The following YY1AP1 variants were observed in gnomAD, a reference collection of about 807,000 sequenced individuals.
YY1AP1 encodes the protein YY1 associated protein 1.
YY1AP1 carries 43 observed loss-of-function variants against 39.9 expected under a neutral mutation model. That is an observed-to-expected ratio of 1.08 (90% CI 0.84 to 1.39). The LOEUF is 1.39. YY1AP1 is among the 40% of genes most tolerant of loss of function. YY1AP1 has a pLI of 0.00. For synonymous variants in YY1AP1, 292 were observed against 331.3 expected (o/e 0.88, Z 1.29); for missense variants, 813 against 900.7 (o/e 0.90, Z 1.25).
At chr1:155,673,058 G>A (rs1286621841) in intron 6 of YY1AP1, among the ~76,000 whole-genome samples, 3 of 151,970 alleles carry the variant, frequency 2.0e-5, no homozygotes, top group Admixed American at 6.6e-5. Flanking sequence ...TCACTCTGCC[G>A]CTCAGGCTGG....
At chr1:155,669,049 T>C (rs1368162978) in intron 8 of YY1AP1, among the ~76,000 whole-genome samples, 1 of 152,010 alleles carries the variant, frequency 6.6e-6, no homozygotes, top group Non-Finnish European at 1.5e-5. Context: ...TTTTCATTTT[T>C]TTCAGACAGG....
At chr1:155,686,196 C>T (rs1255213128) in intron 2 of YY1AP1, among the ~76,000 whole-genome samples, 1 of 151,550 alleles carries the variant, frequency 6.6e-6, no homozygotes. Flanking sequence ...CCACCACGCC[C>T]GGCTAATTTT....
Position 155,671,363 on chromosome 1 carries a change from G to A in YY1AP1, c.584-899C>T, listed in dbSNP as rs144557672. Among the ~76,000 whole-genome samples, 897 of 151,514 alleles carry A rather than the reference G, an allele frequency of 5.9e-3. 7 individuals are homozygous for A. The highest frequency in any genetic ancestry group is 0.02 in the African/African-American group (839 of 41,310). On this transcript the variant is annotated intron_variant, in intron 7 of 10. Transcript: ENST00000355499. The stretch of plus-strand genomic sequence containing the variant: ...GGAGAATTGTTTGAACCTGGGAGGC[G>A]GAGGTTGCAGTGAGCCGAGATCACC...
chr1:155,683,808 C>G (rs180689315), intron 2 of YY1AP1, among the ~76,000 whole-genome samples: 193 of 152,276 alleles, frequency 1.3e-3, no homozygotes, highest in African/African-American at 4.2e-3. Flanking sequence ...GAAGGCTATT[C>G]CAGTTCATTT....
rs953671153 is a variant in YY1AP1, at chr1:155,667,480, AGAGT to A, written c.879+1143_879+1146del. Reference sequence around the variant, plus strand: ...GCCCATGCACTCCAGCCAGGATGACAGAGTGAGAACCTGTCTCTAAAAAAAAAAA... The same window carrying A: ...GCCCATGCACTCCAGCCAGGATGACAGAGAACCTGTCTCTAAAAAAAAAAA... On this transcript the variant is annotated intron_variant, in intron 9 of 10. Transcript: ENST00000355499. 5.0e-4 allele frequency among the ~76,000 whole-genome samples: 76 copies of A among 152,102 alleles called. 1 individual carries two copies. The highest frequency in any genetic ancestry group is 1.8e-3 in the African/African-American group (75 of 41,514).
chr1:155,688,182 G>A lies in YY1AP1; in HGVS notation c.-132C>T, dbSNP rs1160741809. The A allele has an allele frequency of 8.7e-6, 14 of 1,613,930 alleles. No homozygotes were observed. The highest frequency in any genetic ancestry group is 1.7e-5 in the Admixed American group (1 of 60,014). ...GCGGATCCCTCCCGCTTGTCAGGAG[G>A]CGGCCAGCGGGTAAGCCGACTGGCG... On this transcript the variant is annotated 5_prime_UTR_variant, in exon 2 of 11. Transcript: ENST00000355499.
chr1:155,663,544 C>A (rs998283662), intron 9 of YY1AP1, among the ~76,000 whole-genome samples: 1 of 151,744 alleles, frequency 6.6e-6, no homozygotes, highest in African/African-American at 2.4e-5. Context: ...CAAGGTGAAA[C>A]CCCGTCTCTA....
intron 2 of YY1AP1, 128 bp downstream of exon 2, chr1:155,687,943 C>A: frequency 2.5e-5 from 28 of 1,100,220 alleles, no homozygotes; most frequent in Non-Finnish European, 3.5e-5. Context: ...GCTCTCCCCT[C>A]CCCCATCTTC....
At chr1:155,678,240 C>T (rs1367722619) in intron 4 of YY1AP1, among the ~76,000 whole-genome samples, 1 of 152,114 alleles carries the variant, frequency 6.6e-6, no homozygotes, top group Non-Finnish European at 1.5e-5. Flanking sequence ...TAGGCTAAAC[C>T]ATTTAGGTTT....
At chr1:155,681,661 A>G (rs1192581012) in intron 2 of YY1AP1, among the ~76,000 whole-genome samples, 1 of 152,158 alleles carries the variant, frequency 6.6e-6, no homozygotes. Flanking sequence ...GACCCGACCT[A>G]TTCAAAAACT....
intron 9 of YY1AP1, 47 bp downstream of exon 9, chr1:155,668,580 A>G (rs1280739399): frequency 6.8e-6 from 11 of 1,613,764 alleles, no homozygotes; most frequent in South Asian, 5.5e-5. Flanking sequence ...AAAAGAACAG[A>G]TATGTGTTGG....
chr1:155,679,795 A>G, intron 3 of YY1AP1: 1 of 1,273,842 alleles, frequency 7.9e-7, no homozygotes, highest in Non-Finnish European at 1.0e-6. Context: ...ATCTTTTTAG[A>G]CAAATTTATG....
At chr1:155,679,025 A>G in intron 4 of YY1AP1, 1 of 875,496 alleles carries the variant, frequency 1.1e-6, no homozygotes, top group South Asian at 1.9e-5. Context: ...GGTGACTAAC[A>G]AATTTTCAGT....
intron 7 of YY1AP1, chr1:155,670,670 G>C (rs1382147260): frequency 1.6e-5 from 7 of 436,968 alleles, no homozygotes; most frequent in Non-Finnish European, 2.8e-5. Context: ...GGCAATAAAA[G>C]TTGACTTTTT....
In YY1AP1 at chr1:155,672,728, C is replaced by A; in HGVS notation, c.415G>T (p.Glu139Ter). The change falls in exon 7 of 11, where the codon GAG becomes TAG. Residue 139 changes from glutamate to a stop codon, truncating the protein, a stop_gained. Coordinates refer to ENST00000355499, the MANE Select transcript of YY1AP1 (RefSeq NM_139119.3). LOFTEE classifies it high-confidence loss of function. The stretch of plus-strand genomic sequence containing the variant: ...GAGCTTTGAGCAAAGGTTCCCAGCT[C>A]TTTCTGGGAAAACACGACACAAGGA... ...EASSTRICLKELGTFAQSSIA... is the reference protein window; with the variant it reads ...EASSTRICLK The A allele has an allele frequency of 6.2e-7, 1 of 1,614,164 alleles. No homozygotes were observed. The highest frequency in any genetic ancestry group is 8.5e-7 in the Non-Finnish European group (1 of 1,180,038).
At chr1:155,682,117 ATTTT>A (rs956201730) in intron 2 of YY1AP1, among the ~76,000 whole-genome samples, 1 of 151,768 alleles carries the variant, frequency 6.6e-6, no homozygotes, top group Non-Finnish European at 1.5e-5. Context: ...AGGCAGCTTG[ATTTT>A]TTTTTATTTC....
rs1259423828 is a variant in YY1AP1 at position 155,659,961 on chromosome 1, T to C, written c.1949A>G (p.Asn650Ser). The C allele has an allele frequency of 6.2e-7, 1 of 1,614,034 alleles. No individual in the cohort carries two copies. Among genetic ancestry groups the C allele is most frequent in the Non-Finnish European group, 8.5e-7 (1 of 1,180,032 alleles). The change falls in exon 11 of 11, where the codon AAT becomes AGT. Residue 650 changes from asparagine (N) to serine (S), a missense_variant. Transcript: ENST00000355499. ...TTTGGGTTCTAGGCCCTGAAAGGCA[T>C]TTTCCCCATCAGCCACAGCACAAGC... ...DIACAVADGE[N>S]AFQGLEPKLE...
intron 7 of YY1AP1, 115 bp from the exon 8 acceptor site, chr1:155,670,579 T>C (rs972697753): frequency 9.1e-6 from 10 of 1,094,454 alleles, no homozygotes; most frequent in Non-Finnish European, 1.3e-5. Context: ...CTTGATTCCC[T>C]CCCATCTGCC....
In YY1AP1 at chr1:155,659,840, T is replaced by C. The variant is rs748805155; in HGVS notation, c.2070A>G (p.Glu690=). ...GPPPVDKQCQ[E]GLSENSAYRW... ...GATAGGCACTGTTCTCTGACAATCC[T>C]TCTTGGCACTGTTTATCGACTGGTG... Residue 690 remains glutamate (E), a synonymous_variant, in exon 11 of 11, where the codon GAA becomes GAG. Transcript: ENST00000355499. 8.7e-6 allele frequency: 14 copies of C among 1,614,128 alleles called. No individual in the cohort carries two copies. The highest frequency in any genetic ancestry group is 1.2e-5 in the Non-Finnish European group (14 of 1,180,054).
Sources: gnomAD v4.1 joint callset for allele counts (sites outside exome capture counted in the v4.1 genomes callset) on GRCh38, gnomAD v4.1.1 for gene constraint, MANE v1.5 for transcripts, NCBI Gene and HGNC (gene_info 2026-07-23, HGNC 2026-07-21) for gene names.